The following TMEM247 variants were observed in gnomAD, a reference collection of about 807,000 sequenced individuals.
The protein encoded by TMEM247 is transmembrane protein 247, also known as transmembrane protein ENSP00000343375.
A neutral mutation model predicts 20.7 loss-of-function variants in TMEM247; 23 were observed. That is an observed-to-expected ratio of 1.11 (90% CI 0.80 to 1.57). The LOEUF is 1.57. Ranked by LOEUF, TMEM247 falls within the 40% of genes most tolerant of loss-of-function variation. The pLI is 0.00. For synonymous variants in TMEM247, 106 were observed against 111.9 expected (o/e 0.95, Z 0.33); for missense variants, 354 against 283.8 (o/e 1.25, Z -1.78).
chr2:46,481,236 A>G (rs1686884428), intron 2 of TMEM247, among the ~76,000 whole-genome samples: 1 of 152,232 alleles, frequency 6.6e-6, no homozygotes, highest in Non-Finnish European at 1.5e-5. Flanking sequence ...GGATTTTGAT[A>G]GAACCATCAC....
chr2:46,480,309 C>G, intron 1 of TMEM247, 96 bp from the exon 2 acceptor site: 1 of 1,316,988 alleles, frequency 7.6e-7, no homozygotes, highest in South Asian at 1.5e-5. Flanking sequence ...ACACCCCAGT[C>G]CACTGCGGCC....
exon 2 of TMEM247, chr2:46,480,532 A>G (rs542450747): frequency 6.4e-7 from 1 of 1,551,750 alleles, no homozygotes; most frequent in South Asian, 1.2e-5. Flanking sequence ...ACCAAAGGCC[A>G]GGCTGGCGAC....
exon 1 of TMEM247, chr2:46,479,693 G>A (rs1180513268): frequency 6.4e-7 from 1 of 1,550,874 alleles, no homozygotes; most frequent in Non-Finnish European, 8.7e-7. Context: ...GGAAGCCAAG[G>A]GCTTATCTGG....
chr2:46,481,336 G>T (rs187607419), intron 2 of TMEM247, among the ~76,000 whole-genome samples: 11 of 152,190 alleles, frequency 7.2e-5, no homozygotes, highest in African/African-American at 2.7e-4. Context: ...GTACACCACT[G>T]TTCCCTAATC....
chr2:46,484,300 G>A, exon 3 of TMEM247: 1 of 1,552,266 alleles, frequency 6.4e-7, no homozygotes, highest in South Asian at 1.2e-5. Context: ...CCATGTTCCT[G>A]TACTGCTTCA....
At chr2:46,480,739 T>C (rs1202866289) in exon 2 of TMEM247, 1 of 1,549,918 alleles carries the variant, frequency 6.5e-7, no homozygotes, top group Non-Finnish European at 8.7e-7. Context: ...ATGGAGCAGC[T>C]GCAGCAAGAG....
chr2:46,481,716 G>C (rs1360321901), intron 2 of TMEM247, among the ~76,000 whole-genome samples: 1 of 152,144 alleles, frequency 6.6e-6, no homozygotes, highest in Non-Finnish European at 1.5e-5. Context: ...TTCACTTCTT[G>C]ACCCAAATGC....
At chr2:46,483,401 C>A (rs13018019) in intron 2 of TMEM247, among the ~76,000 whole-genome samples, 2 of 151,874 alleles carry the variant, frequency 1.3e-5, no homozygotes, top group Non-Finnish European at 2.9e-5. Flanking sequence ...CTCCAAGAGA[C>A]ACCAAACCCT....
At chr2:46,480,359 T>A in intron 1 of TMEM247, 46 bp from the exon 2 acceptor site, 1 of 1,489,718 alleles carries the variant, frequency 6.7e-7, no homozygotes, top group East Asian at 2.5e-5. Context: ...GGCAGCCCCA[T>A]CCTGACTCTT....
At chr2:46,480,384 T>G (rs1400353923) in intron 1 of TMEM247, 21 bp from the exon 2 acceptor site, 1 of 1,519,042 alleles carries the variant, frequency 6.6e-7, no homozygotes, top group East Asian at 2.5e-5. Context: ...GTACCTCCCC[T>G]CCCTGCTTCC....
intron 2 of TMEM247, among the ~76,000 whole-genome samples, chr2:46,481,910 A>G (rs965767662): frequency 3.9e-5 from 6 of 152,208 alleles, no homozygotes; most frequent in African/African-American, 1.4e-4. Flanking sequence ...ATAGGTTGGC[A>G]ATGTTCCATT....
chr2:46,481,673 G>A (rs1032395723), intron 2 of TMEM247, among the ~76,000 whole-genome samples: 1 of 152,190 alleles, frequency 6.6e-6, no homozygotes, highest in Non-Finnish European at 1.5e-5. Context: ...CTCAATAAAC[G>A]TTAGCTACTA....
At chr2:46,480,913 C>T (rs764316536) in intron 2 of TMEM247, 149 bp downstream of exon 2, 10 of 1,168,926 alleles carry the variant, frequency 8.6e-6, no homozygotes, top group African/African-American at 1.6e-5. Flanking sequence ...AGCATCCACT[C>T]GGGCGGTCTC....
intron 2 of TMEM247, among the ~76,000 whole-genome samples, chr2:46,483,272 T>C (rs570587701): frequency 1.8e-4 from 28 of 152,326 alleles, no homozygotes; most frequent in African/African-American, 4.6e-4. Flanking sequence ...CCCAGTTATA[T>C]AGATTCAAGA....
At position 46,479,721 on chromosome 2, in the gene TMEM247, C is replaced by A; in HGVS notation, c.117+19C>A. 1 of 1,496,788 alleles carries A rather than the reference C, an allele frequency of 6.7e-7. No individual in the cohort carries two copies. The highest frequency in any genetic ancestry group is 9.1e-7 in the Non-Finnish European group (1 of 1,097,002). The allele number at this position is 1,496,788 out of a possible 1,614,324, so 92.7% of individuals were successfully genotyped here. On this transcript the variant is annotated intron_variant, in intron 1 of 2. Coordinates refer to ENST00000434431, the Ensembl canonical transcript of TMEM247. ...TTATCTGGTAAGGGGGCTGCTGTGT[C>A]TCACCACCCCCGCCTATTCCGTCAG...
intron 2 of TMEM247, among the ~76,000 whole-genome samples, chr2:46,483,380 T>C (rs1686926225): frequency 6.6e-6 from 1 of 152,156 alleles, no homozygotes; most frequent in African/African-American, 2.4e-5. Flanking sequence ...CACCTATCTC[T>C]CAGCACCTGC....
chr2:46,483,690 G>A (rs1402247409), intron 2 of TMEM247, among the ~76,000 whole-genome samples: 3 of 152,180 alleles, frequency 2.0e-5, no homozygotes, highest in Non-Finnish European at 4.4e-5. Flanking sequence ...GGAGGGATAA[G>A]AGCAGCTCAA....
chr2:46,482,839 G>A (rs764795233), intron 2 of TMEM247, among the ~76,000 whole-genome samples: 2 of 152,162 alleles, frequency 1.3e-5, no homozygotes, highest in Non-Finnish European at 2.9e-5. Context: ...GTCATTTTCT[G>A]TCCCCTCAGT....
chr2:46,479,726 C>T, intron 1 of TMEM247, 24 bp downstream of exon 1: 1 of 1,478,346 alleles, frequency 6.8e-7, no homozygotes, highest in Non-Finnish European at 9.3e-7. Flanking sequence ...TGTGTCTCAC[C>T]ACCCCCGCCT....
Sources: gnomAD v4.1 joint callset for allele counts (sites outside exome capture counted in the v4.1 genomes callset) on GRCh38, gnomAD v4.1.1 for gene constraint, MANE v1.5 for transcripts, NCBI Gene and HGNC (gene_info 2026-07-23, HGNC 2026-07-21) for gene names.